Variants in RHOBTB1 observed in about 807,000 individuals in gnomAD.
RHOBTB1 encodes rho-related BTB domain-containing protein 1.
RHOBTB1 carries 40 observed loss-of-function variants against 71.6 expected under a neutral mutation model. The observed-to-expected ratio is 0.56, with a 90% CI of 0.43 to 0.73. RHOBTB1 has a LOEUF of 0.73. Among genes scored for constraint, RHOBTB1 ranks in the 30% least tolerant of loss-of-function variants. The pLI is 0.00. For synonymous variants in RHOBTB1, 319 were observed against 334.9 expected (o/e 0.95, Z 0.52); for missense variants, 797 against 894.0 (o/e 0.89, Z 1.38).
rs554772777 is a variant in RHOBTB1 at position 60,917,109 on chromosome 10, A to G, written c.-10-5557T>C. ...CTTTGATTTTCAGAACTATAAGAAA[A>G]TAAACTTTGTTTTATGCTACTAAGT... On this transcript the variant is annotated intron_variant, in intron 2 of 10. Transcript: ENST00000337910. Among the ~76,000 whole-genome samples the G allele has an allele frequency of 3.1e-4, 47 of 152,360 alleles. 1 individual carries two copies. Among genetic ancestry groups the G allele is most frequent in the African/African-American group, 1.1e-3 (45 of 41,590 alleles).
chr10:60,930,137 G>C (rs2084151925), intron 2 of RHOBTB1, among the ~76,000 whole-genome samples: 1 of 152,034 alleles, frequency 6.6e-6, no homozygotes, highest in Non-Finnish European at 1.5e-5. Flanking sequence ...TTATAAATGG[G>C]AAATGTTTTA....
At chr10:60,902,676 T>C (rs1179542120) in intron 4 of RHOBTB1, among the ~76,000 whole-genome samples, 1 of 152,214 alleles carries the variant, frequency 6.6e-6, no homozygotes, top group Non-Finnish European at 1.5e-5. Flanking sequence ...TCTTTCCGTT[T>C]GCTAATTCAC....
At chr10:60,969,574 A>G (rs1483714804) in intron 2 of RHOBTB1, among the ~76,000 whole-genome samples, 8 of 152,004 alleles carry the variant, frequency 5.3e-5, no homozygotes. Context: ...AGTAAAGGGA[A>G]TTTATAGAGA....
At chr10:60,982,483 C>A (rs575455329) in intron 2 of RHOBTB1, among the ~76,000 whole-genome samples, 34 of 152,282 alleles carry the variant, frequency 2.2e-4, no homozygotes, top group African/African-American at 7.2e-4. Context: ...AACCTTGATA[C>A]CATTGATTTT....
intron 4 of RHOBTB1, among the ~76,000 whole-genome samples, chr10:60,901,169 T>C (rs2082397387): frequency 6.6e-6 from 1 of 152,200 alleles, no homozygotes; most frequent in African/African-American, 2.4e-5. Flanking sequence ...GAAAAAAGAA[T>C]TCACTAATGT....
intron 1 of RHOBTB1, among the ~76,000 whole-genome samples, chr10:60,998,334 T>C (rs2087131478): frequency 6.6e-6 from 1 of 152,230 alleles, no homozygotes; most frequent in Admixed American, 6.5e-5. Context: ...TATGTGCTAT[T>C]CATCACTGTG....
chr10:60,987,651 C>T (rs990216964), intron 1 of RHOBTB1, among the ~76,000 whole-genome samples: 3 of 152,118 alleles, frequency 2.0e-5, no homozygotes, highest in Non-Finnish European at 4.4e-5. Context: ...TTTCCGGGTG[C>T]TTCTAGTCTT....
At position 60,944,111 on chromosome 10, in the gene RHOBTB1, C is replaced by G. The variant is rs1447329140; in HGVS notation, c.-202G>C. 5 of 151,772 alleles carry G rather than the reference C, an allele frequency of 3.3e-5. No individual in the cohort carries two copies. Among genetic ancestry groups the G allele is most frequent in the Non-Finnish European group, 5.9e-5 (4 of 68,004 alleles). The allele number at this position is 151,772 out of a possible 1,614,324, so 9.4% of individuals were successfully genotyped here. ...CTGCGCGCGGCGCGCCGCCCGCCGCCCAACTTTGCACAAAGGCAGCATGGC... is the reference window on the plus strand; with the variant it reads ...CTGCGCGCGGCGCGCCGCCCGCCGCGCAACTTTGCACAAAGGCAGCATGGC... On this transcript the variant is annotated 5_prime_UTR_variant, in exon 1 of 11. Coordinates refer to ENST00000337910, the MANE Select transcript of RHOBTB1 (RefSeq NM_014836.5).
At chr10:60,881,153 T>C (rs1003322363) in intron 7 of RHOBTB1, among the ~76,000 whole-genome samples, 2 of 152,184 alleles carry the variant, frequency 1.3e-5, no homozygotes, top group Non-Finnish European at 2.9e-5. Flanking sequence ...GTTCTCTCTC[T>C]CTTGCCTGCT....
chr10:60,994,586 T>A lies in RHOBTB1; in HGVS notation c.-163+6813A>T, dbSNP rs190181888. On this transcript the variant is annotated intron_variant, in intron 1 of 11. Coordinates refer to the RHOBTB1 transcript ENST00000357917. ...GCATGATGTTTCCCTTCTCTTTTTT[T>A]AAAAAGTTAGATTTTCTAATGTGAG... Among the ~76,000 whole-genome samples the A allele has an allele frequency of 3.8e-3, 584 of 152,254 alleles. 3 individuals carry two copies. The highest frequency in any genetic ancestry group is 6.9e-3 in the Non-Finnish European group (466 of 68,002).
intron 1 of RHOBTB1, among the ~76,000 whole-genome samples, chr10:60,997,999 A>G (rs1299647496): frequency 6.6e-6 from 1 of 152,238 alleles, no homozygotes; most frequent in East Asian, 1.9e-4. Flanking sequence ...CAATAAAACA[A>G]TGGCTGAGAC....
At chr10:60,897,637 T>C (rs987338730) in intron 4 of RHOBTB1, among the ~76,000 whole-genome samples, 1 of 152,240 alleles carries the variant, frequency 6.6e-6, no homozygotes, top group Non-Finnish European at 1.5e-5. Flanking sequence ...CCAGTTTGTC[T>C]GAGTCTGGTT....
intron 4 of RHOBTB1, among the ~76,000 whole-genome samples, chr10:60,905,689 C>T (rs1033113335): frequency 3.9e-5 from 6 of 152,082 alleles, no homozygotes; most frequent in African/African-American, 1.4e-4. Context: ...CCCTGGTCCA[C>T]CTCCTGGTCC....
intron 2 of RHOBTB1, among the ~76,000 whole-genome samples, chr10:60,952,649 T>G (rs1353283086): frequency 6.6e-6 from 1 of 152,214 alleles, no homozygotes; most frequent in Non-Finnish European, 1.5e-5. Flanking sequence ...TATTTACCCT[T>G]CCCTATTCAT....
At chr10:60,921,283 G>A (rs921657392) in intron 2 of RHOBTB1, among the ~76,000 whole-genome samples, 20 of 152,142 alleles carry the variant, frequency 1.3e-4, no homozygotes, top group African/African-American at 4.8e-4. Flanking sequence ...CAATATCACT[G>A]AGACTGCTGT....
chr10:60,911,336 C>T lies in RHOBTB1; in HGVS notation c.192+15G>A, dbSNP rs765944339. 1 of 1,599,312 alleles carries T rather than the reference C, an allele frequency of 6.3e-7. No individual in the cohort carries two copies. Among genetic ancestry groups the T allele is most frequent in the Non-Finnish European group, 8.6e-7 (1 of 1,168,148 alleles). ...ATGTGCCCTAGGGATGCTGAAGACA[C>T]TCTGTGCATCTTACCTCCTGGCACA... On this transcript the variant is annotated intron_variant, in intron 3 of 10. Transcript: ENST00000337910.
In RHOBTB1 at chr10:60,972,747, A is replaced by G. The variant is rs139777272; in HGVS notation, c.-62+13098T>C. ...TGTTGTGCTTCTAAGTATGATCATCAGCTTAGCACACAATACCAGTAGTGG... is the reference window on the plus strand; with the variant it reads ...TGTTGTGCTTCTAAGTATGATCATCGGCTTAGCACACAATACCAGTAGTGG... On this transcript the variant is annotated intron_variant, in intron 2 of 11. Transcript: ENST00000357917. Among the ~76,000 whole-genome samples the G allele has an allele frequency of 5.2e-3, 793 of 152,210 alleles. 1 individual carries two copies. The highest frequency in any genetic ancestry group is 7.1e-3 in the Non-Finnish European group (481 of 68,012).
chr10:60,952,656 T>C (rs2085453877), intron 2 of RHOBTB1, among the ~76,000 whole-genome samples: 1 of 152,222 alleles, frequency 6.6e-6, no homozygotes, highest in African/African-American at 2.4e-5. Context: ...CCTTCCCTAT[T>C]CATTCAAAGT....
chr10:60,893,663 G>A (rs1040730565), intron 4 of RHOBTB1, among the ~76,000 whole-genome samples: 42 of 152,168 alleles, frequency 2.8e-4, no homozygotes, highest in African/African-American at 9.9e-4. Context: ...CTAACAAGAT[G>A]AGAAAATATT....
Sources: allele counts gnomAD v4.1 joint callset (sites outside exome capture counted in the v4.1 genomes callset), GRCh38; gene constraint gnomAD v4.1.1; transcripts MANE v1.5; gene names NCBI Gene and HGNC (gene_info 2026-07-23, HGNC 2026-07-21).